GABRG3: variants seen among roughly 807,000 people sequenced by gnomAD.
The protein encoded by GABRG3 is gamma-aminobutyric acid type A receptor subunit gamma3, also known as gamma-aminobutyric acid receptor subunit gamma-3.
GABRG3 carries 25 observed loss-of-function variants against 48.8 expected under a neutral mutation model. The observed-to-expected ratio is 0.51, with a 90% CI of 0.37 to 0.72. The LOEUF is 0.72. Among genes scored for constraint, GABRG3 ranks in the 30% least tolerant of loss-of-function variants. GABRG3 has a pLI of 0.00. For missense variants in GABRG3, 394 were observed against 577.9 expected, an observed-to-expected ratio of 0.68 and a Z score of 3.26; for synonymous variants, 227 against 217.6, an observed-to-expected ratio of 1.04 and a Z score of -0.38.
intron 3 of GABRG3, among the ~76,000 whole-genome samples, chr15:27,149,224 A>G (rs1898265279): frequency 6.6e-6 from 1 of 152,156 alleles, no homozygotes; most frequent in Non-Finnish European, 1.5e-5. Context: ...GAAAATTAAG[A>G]GAATAATTTC....
chr15:27,292,429 A>T (rs577407505), intron 3 of GABRG3, among the ~76,000 whole-genome samples: 16 of 138,710 alleles, frequency 1.2e-4, no homozygotes, highest in African/African-American at 2.9e-4. Flanking sequence ...AAAGTATGAT[A>T]AAAAAAAAAT....
At chr15:27,315,917 T>C (rs184718790) in intron 3 of GABRG3, among the ~76,000 whole-genome samples, 263 of 152,330 alleles carry the variant, frequency 1.7e-3, no homozygotes, top group African/African-American at 6.3e-3. Flanking sequence ...CATCTCTTGG[T>C]CTTTGTAGAT....
intron 3 of GABRG3, among the ~76,000 whole-genome samples, chr15:27,037,366 G>A (rs1433798470): frequency 6.6e-6 from 1 of 152,170 alleles, no homozygotes; most frequent in African/African-American, 2.4e-5. Context: ...AGGGTGGCTC[G>A]ACAGTCAACA....
chr15:27,293,698 A>G (rs1005536352), intron 3 of GABRG3, among the ~76,000 whole-genome samples: 5 of 152,068 alleles, frequency 3.3e-5, no homozygotes, highest in Non-Finnish European at 5.9e-5. Context: ...AACAAAAAAA[A>G]AAACAGAACA....
rs774842434 is a variant in GABRG3, at chr15:27,350,235, G to A, written c.574+21347G>A. On this transcript the variant is annotated intron_variant, in intron 5 of 9. Transcript: ENST00000615808. ...CCTCCTCGGAGACTCGCTTCCATTC[G>A]TGGGGAAATGAAGGCTCAGAGAGGT... The A allele has an allele frequency of 5.5e-4, 248 of 454,840 alleles. 1 individual carries two copies. Among genetic ancestry groups the A allele is most frequent in the Middle Eastern group, 1.3e-3 (4 of 3,064 alleles). The allele number at this position is 454,840 out of a possible 1,614,324, so 28.2% of individuals were successfully genotyped here.
rs149834879 is a variant in GABRG3, at chr15:27,174,154, G to A, written c.270+147333G>A. On this transcript the variant is annotated intron_variant, in intron 3 of 9. Coordinates refer to ENST00000615808, the MANE Select transcript of GABRG3 (RefSeq NM_033223.5). ...CAACACAATTAGCAGCATTTCTCTG[G>A]CATCATGTCTTACCCAGCCCATCTC... Among the ~76,000 whole-genome samples the A allele has an allele frequency of 5.1e-3, 783 of 152,164 alleles. 3 individuals are homozygous for A. Among genetic ancestry groups the A allele is most frequent in the Admixed American group, 7.7e-3 (117 of 15,274 alleles).
At chr15:26,992,217 T>C (rs1895262794) in intron 2 of GABRG3, among the ~76,000 whole-genome samples, 1 of 152,216 alleles carries the variant, frequency 6.6e-6, no homozygotes, top group Non-Finnish European at 1.5e-5. Context: ...TTGGATGTTT[T>C]TATTTCTTTC....
intron 5 of GABRG3, among the ~76,000 whole-genome samples, chr15:27,361,707 C>A (rs1178536210): frequency 6.6e-6 from 1 of 152,176 alleles, no homozygotes; most frequent in Non-Finnish European, 1.5e-5. Flanking sequence ...AGAGGACAAG[C>A]AGCTATTTCG....
At chr15:27,089,016 G>A (rs904744059) in intron 3 of GABRG3, among the ~76,000 whole-genome samples, 1 of 152,072 alleles carries the variant, frequency 6.6e-6, no homozygotes, top group Non-Finnish European at 1.5e-5. Flanking sequence ...GGCTGGCGCC[G>A]GGCTCTGGAG....
At chr15:27,519,223 G>T (rs1891100101) in intron 6 of GABRG3, among the ~76,000 whole-genome samples, 1 of 152,110 alleles carries the variant, frequency 6.6e-6, no homozygotes, top group African/African-American at 2.4e-5. Flanking sequence ...GCCTAGACAA[G>T]AAATCAATGG....
intron 5 of GABRG3, among the ~76,000 whole-genome samples, chr15:27,333,692 A>G (rs912794836): frequency 6.6e-6 from 1 of 152,190 alleles, no homozygotes; most frequent in Non-Finnish European, 1.5e-5. Flanking sequence ...TTTGCCTGCC[A>G]CGAGTACTAG....
intron 3 of GABRG3, among the ~76,000 whole-genome samples, chr15:27,194,759 T>G (rs551709089): frequency 2.6e-5 from 4 of 152,336 alleles, no homozygotes; most frequent in Middle Eastern, 3.4e-3. Context: ...CGAGGTTTGC[T>G]TAGCCTCTTG....
At chr15:27,198,079 A>G (rs1345626494) in intron 3 of GABRG3, among the ~76,000 whole-genome samples, 1 of 152,198 alleles carries the variant, frequency 6.6e-6, no homozygotes, top group Non-Finnish European at 1.5e-5. Context: ...CATTCAGGAC[A>G]TAGGCATGGG....
At chr15:27,263,848 C>T (rs184136871) in intron 3 of GABRG3, among the ~76,000 whole-genome samples, 23 of 151,644 alleles carry the variant, frequency 1.5e-4, no homozygotes, top group African/African-American at 5.6e-4. Flanking sequence ...ATGGCGTGAA[C>T]CTGGGAGGCG....
At chr15:27,430,328 T>G (rs1888410925) in intron 5 of GABRG3, among the ~76,000 whole-genome samples, 1 of 152,238 alleles carries the variant, frequency 6.6e-6, no homozygotes, top group Non-Finnish European at 1.5e-5. Flanking sequence ...GGTAAATAAA[T>G]AGTTTCTTGT....
At chr15:27,067,425 C>G (rs1275188362) in intron 3 of GABRG3, among the ~76,000 whole-genome samples, 1 of 152,222 alleles carries the variant, frequency 6.6e-6, no homozygotes, top group African/African-American at 2.4e-5. Flanking sequence ...GGGCTCGCCT[C>G]TGCCCCTTTC....
intron 3 of GABRG3, among the ~76,000 whole-genome samples, chr15:27,155,714 C>T (rs1433182811): frequency 6.6e-6 from 1 of 152,128 alleles, no homozygotes; most frequent in African/African-American, 2.4e-5. Flanking sequence ...GGAGTTCTAG[C>T]TTCCCTCTAG....
chr15:27,316,354 C>T lies in GABRG3; in HGVS notation c.271-10455C>T, dbSNP rs534306709. On this transcript the variant is annotated intron_variant, in intron 3 of 9. Coordinates refer to ENST00000615808, the MANE Select transcript of GABRG3 (RefSeq NM_033223.5). ...AGTGAGCCGAGATCCCGCCACTGCA[C>T]TCCAGCCTGGGCGACAGAGCGAGAC... is the stretch of plus-strand genomic sequence containing the variant. Among the ~76,000 whole-genome samples the T allele has an allele frequency of 1.0e-3, 144 of 144,658 alleles. 1 individual carries two copies. The highest frequency in any genetic ancestry group is 5.7e-3 in the South Asian group (26 of 4,580). The allele number at this position is 144,658 out of a possible 152,430, so 94.9% of individuals were successfully genotyped here. A position where few individuals can be genotyped will look rare whatever the true frequency, so the allele number is the denominator to read the frequency against.
chr15:27,308,041 A>T (rs912154366), intron 3 of GABRG3, among the ~76,000 whole-genome samples: 3 of 136,904 alleles, frequency 2.2e-5, no homozygotes, highest in Non-Finnish European at 4.7e-5. Context: ...TTATATGTAA[A>T]TGTATATAAT....
Sources: gnomAD v4.1 joint callset for allele counts (sites outside exome capture counted in the v4.1 genomes callset) on GRCh38, gnomAD v4.1.1 for gene constraint, MANE v1.5 for transcripts, NCBI Gene and HGNC (gene_info 2026-07-23, HGNC 2026-07-21) for gene names.